Variants in SLC24A2 observed in about 807,000 individuals in gnomAD.
SLC24A2 encodes the protein sodium/potassium/calcium exchanger 2.
A neutral mutation model predicts 62.0 loss-of-function variants in SLC24A2; 36 were observed. That is an observed-to-expected ratio of 0.58 (90% CI 0.44 to 0.77). The LOEUF (loss-of-function observed/expected upper bound fraction) is 0.77, where lower values mean the gene tolerates loss of function less well. Among genes scored for constraint, SLC24A2 ranks in the 30% least tolerant of loss-of-function variants. The pLI is 0.00. For missense variants in SLC24A2, 846 were observed against 817.9 expected, an observed-to-expected ratio of 1.03 and a Z score of -0.42; for synonymous variants, 358 against 294.0, an observed-to-expected ratio of 1.22 and a Z score of -2.23.
chr9:19,634,200 A>C (rs182037182), intron 2 of SLC24A2, among the ~76,000 whole-genome samples: 1 of 152,054 alleles, frequency 6.6e-6, no homozygotes, highest in East Asian at 1.9e-4. Context: ...AGTGAGGTTA[A>C]CTAACTTGCC....
the SLC24A2 span, among the ~76,000 whole-genome samples, chr9:19,811,891 G>A: frequency 6.6e-6 from 1 of 151,688 alleles, no homozygotes; most frequent in Non-Finnish European, 1.5e-5. Context: ...GCATTTCTGT[G>A]TTTCAATCTG....
At chr9:20,257,555 T>C in the SLC24A2 span, among the ~76,000 whole-genome samples, 4 of 152,168 alleles carry the variant, frequency 2.6e-5, no homozygotes, top group East Asian at 1.9e-4. Context: ...ATTGGGCCTC[T>C]GGAAAGAAGC....
At chr9:19,824,654 G>C in the SLC24A2 span, among the ~76,000 whole-genome samples, 3 of 152,100 alleles carry the variant, frequency 2.0e-5, no homozygotes, top group Admixed American at 2.0e-4. Flanking sequence ...ATTTGACCCA[G>C]CAATCCTATT....
At chr9:20,202,183 G>C in the SLC24A2 span, among the ~76,000 whole-genome samples, 26 of 152,160 alleles carry the variant, frequency 1.7e-4, no homozygotes, top group Admixed American at 1.3e-4. Flanking sequence ...ACTAGCAGCA[G>C]TCATGGTCCA....
intron 2 of SLC24A2, among the ~76,000 whole-genome samples, chr9:19,642,830 G>A (rs552001059): frequency 2.0e-5 from 3 of 150,972 alleles, no homozygotes; most frequent in African/African-American, 4.9e-5. Context: ...ACAGGCGCCC[G>A]CCACTGTGCC....
At chr9:20,207,069 C>A in the SLC24A2 span, among the ~76,000 whole-genome samples, 1 of 152,110 alleles carries the variant, frequency 6.6e-6, no homozygotes, top group South Asian at 2.1e-4. Flanking sequence ...TCTTCAGTAC[C>A]TAGTATTTAG....
chr9:20,185,196 G>A, the SLC24A2 span, among the ~76,000 whole-genome samples: 4 of 152,056 alleles, frequency 2.6e-5, no homozygotes, highest in East Asian at 5.8e-4. Context: ...ATACTTAACC[G>A]TGTATCGTAT....
intron 2 of SLC24A2, among the ~76,000 whole-genome samples, chr9:19,662,014 A>T (rs1819116072): frequency 6.6e-6 from 1 of 152,166 alleles, no homozygotes; most frequent in Admixed American, 6.6e-5. Context: ...CTCATTCTTT[A>T]CAGTAGTGTT....
At chr9:19,977,123 G>GTGTGTGTT in the SLC24A2 span, among the ~76,000 whole-genome samples, 3 of 151,342 alleles carry the variant, frequency 2.0e-5, no homozygotes, top group Admixed American at 1.3e-4. Flanking sequence ...TTGTGTGTGT[G>GTGTGTGTT]TGTGTGTGTG....
intron 2 of SLC24A2, among the ~76,000 whole-genome samples, chr9:19,641,932 A>G (rs1052922538): frequency 1.3e-5 from 2 of 152,116 alleles, no homozygotes; most frequent in Non-Finnish European, 2.9e-5. Flanking sequence ...CAATTTTGCC[A>G]AAATGTGCCT....
chr9:19,677,888 A>T (rs1819605775), intron 2 of SLC24A2, among the ~76,000 whole-genome samples: 1 of 151,596 alleles, frequency 6.6e-6, no homozygotes, highest in South Asian at 2.1e-4. Context: ...AACATATATA[A>T]GCAAACATAA....
the SLC24A2 span, among the ~76,000 whole-genome samples, chr9:20,301,696 C>G: frequency 6.6e-6 from 1 of 152,034 alleles, no homozygotes; most frequent in African/African-American, 2.4e-5. Context: ...TATCAACATC[C>G]CCCACCAGCG....
At chr9:19,845,448 A>G in the SLC24A2 span, among the ~76,000 whole-genome samples, 1 of 152,136 alleles carries the variant, frequency 6.6e-6, no homozygotes, top group South Asian at 2.1e-4. Flanking sequence ...GTGTAGAATC[A>G]TGTAATCAGT....
At chr9:20,268,387 G>T in the SLC24A2 span, among the ~76,000 whole-genome samples, 1 of 152,172 alleles carries the variant, frequency 6.6e-6, no homozygotes, top group African/African-American at 2.4e-5. Flanking sequence ...TTTAAGAGGT[G>T]ATTGAGTCAT....
the SLC24A2 span, among the ~76,000 whole-genome samples, chr9:19,874,920 A>G: frequency 6.6e-6 from 1 of 151,730 alleles, no homozygotes; most frequent in Non-Finnish European, 1.5e-5. Context: ...TCCTCAATTT[A>G]CAGAAGCACT....
intron 8 of SLC24A2, among the ~76,000 whole-genome samples, chr9:19,547,746 G>A (rs576514281): frequency 4.6e-5 from 7 of 151,522 alleles, no homozygotes; most frequent in African/African-American, 1.5e-4. Flanking sequence ...GCCCCTTTTG[G>A]GAATTTAGAA....
the SLC24A2 span, among the ~76,000 whole-genome samples, chr9:20,266,999 T>C: frequency 6.6e-6 from 1 of 151,508 alleles, no homozygotes; most frequent in African/African-American, 2.4e-5. Context: ...GGAACATCAC[T>C]TGAGCCCAGG....
chr9:20,094,320 T>G, the SLC24A2 span, among the ~76,000 whole-genome samples: 1 of 152,318 alleles, frequency 6.6e-6, no homozygotes, highest in Admixed American at 6.5e-5. Flanking sequence ...AAAGAACAAC[T>G]AACAGATAAA....
chr9:20,096,227 G>C, the SLC24A2 span, among the ~76,000 whole-genome samples: 1 of 152,072 alleles, frequency 6.6e-6, no homozygotes, highest in Non-Finnish European at 1.5e-5. Flanking sequence ...TGTTGTTATA[G>C]AGTATGCAAC....
Sources: gnomAD v4.1 joint callset for allele counts (sites outside exome capture counted in the v4.1 genomes callset) on GRCh38, gnomAD v4.1.1 for gene constraint, MANE v1.5 for transcripts, NCBI Gene and HGNC (gene_info 2026-07-23, HGNC 2026-07-21) for gene names.